DYNC2H1: variants seen among roughly 807,000 people sequenced by gnomAD.
The protein encoded by DYNC2H1 is cytoplasmic dynein 2 heavy chain 1.
DYNC2H1 carries 410 observed loss-of-function variants against 570.0 expected under a neutral mutation model. The ratio of observed to expected loss-of-function variants is 0.72; its 90% CI spans 0.66 to 0.78. The LOEUF is 0.78. DYNC2H1 is among the 30% of genes least tolerant of loss of function. The pLI is 0.00. For synonymous variants in DYNC2H1, 1,688 were observed against 1,677.6 expected, an observed-to-expected ratio of 1.01 and a Z score of -0.15; for missense variants, 4,865 against 5,046.4, an observed-to-expected ratio of 0.96 and a Z score of 1.09.
intron 84 of DYNC2H1, among the ~76,000 whole-genome samples, chr11:103,429,054 A>C (rs1276563608): frequency 3.2e-5 from 1 of 31,404 alleles, no homozygotes; most frequent in Non-Finnish European, 5.3e-5. Flanking sequence ...TGAGCCTAGG[A>C]GTTCAAGACC....
At chr11:103,399,207 A>G (rs1460415986) in intron 83 of DYNC2H1, among the ~76,000 whole-genome samples, 2 of 146,188 alleles carry the variant, frequency 1.4e-5, no homozygotes, top group Admixed American at 7.2e-5. Context: ...CAGTGGCACA[A>G]TCTTGGCTCA....
At chr11:103,220,518 A>G (rs1863545645) in intron 56 of DYNC2H1, 105 bp from the exon 57 acceptor site, 3 of 1,115,508 alleles carry the variant, frequency 2.7e-6, no homozygotes, top group South Asian at 2.0e-5. Context: ...AACATTAGTA[A>G]CTATAGTCAT....
chr11:103,307,651 ATAATG>A, intron 77 of DYNC2H1, 65 bp from the exon 78 acceptor site: 2 of 729,502 alleles, frequency 2.7e-6, no homozygotes, highest in Admixed American at 2.9e-5. Flanking sequence ...ATAGTTACTA[ATAATG>A]TAATGTAAAA....
intron 61 of DYNC2H1, 100 bp from the exon 62 acceptor site, chr11:103,235,572 G>A: frequency 8.7e-7 from 1 of 1,150,792 alleles, no homozygotes; most frequent in Non-Finnish European, 1.2e-6. Context: ...GTTATTACCT[G>A]TGATTTTCCC....
At chr11:103,380,076 TAATAG>T (rs1425436880) in intron 83 of DYNC2H1, among the ~76,000 whole-genome samples, 1 of 152,218 alleles carries the variant, frequency 6.6e-6, no homozygotes, top group Non-Finnish European at 1.5e-5. Context: ...TAGCTAAACT[TAATAG>T]AATAATTACA....
At position 103,264,873 on chromosome 11, in the gene DYNC2H1, A is replaced by G. The variant is rs1413062755; in HGVS notation, c.10695+4896A>G. Among the ~76,000 whole-genome samples, 1 of 152,198 alleles carries G rather than the reference A, an allele frequency of 6.6e-6. No individual in the cohort carries two copies. Among genetic ancestry groups the G allele is most frequent in the African/African-American group, 2.4e-5 (1 of 41,438 alleles). ...GGTACTGGAAGTTCTGGCCAGGGCA[A>G]AGTGGCAAGAGAAAGAAATAAAGGG... On this transcript the variant is annotated intron_variant, in intron 70 of 88. Coordinates refer to ENST00000375735, the MANE Select transcript of DYNC2H1 (RefSeq NM_001377.3). This position sits in a 1 kb window ranked among gnomAD's most constrained non-coding sequence, Gnocchi z 4.8.
At position 103,225,175 on chromosome 11, in the gene DYNC2H1, T is replaced by C. The variant is rs544020709; in HGVS notation, c.9353+2089T>C. Among the ~76,000 whole-genome samples, 47 of 152,282 alleles carry C rather than the reference T, an allele frequency of 3.1e-4. 1 individual carries two copies. The South Asian group carries it at 9.3e-3, about 30-fold the overall frequency. ...AGTCCTTTGTTGGATGTATAGATTGTGAAGATTTTCTCCTACTCTGTGGGT... is the reference window on the plus strand; with the variant it reads ...AGTCCTTTGTTGGATGTATAGATTGCGAAGATTTTCTCCTACTCTGTGGGT... On this transcript the variant is annotated intron_variant, in intron 59 of 88. Coordinates refer to ENST00000375735, the MANE Select transcript of DYNC2H1 (RefSeq NM_001377.3).
Position 103,185,114 on chromosome 11 carries a change from C to G in DYNC2H1, c.6633+63C>G. On this transcript the variant is annotated intron_variant, in intron 41 of 88. Coordinates refer to ENST00000375735, the MANE Select transcript of DYNC2H1 (RefSeq NM_001377.3). The surrounding 1 kb of genome is among the most constrained non-coding windows in gnomAD (Gnocchi z 4.5). ...TAACTTTTCATTAACTCTTAACTGC[C>G]AAAACACAATGATTTGTAACTGTAA... The G allele has an allele frequency of 2.1e-6, 3 of 1,447,544 alleles. No homozygotes were observed. Among genetic ancestry groups the G allele is most frequent in the Non-Finnish European group, 2.8e-6 (3 of 1,064,066 alleles). 89.7% of individuals were successfully genotyped at this position (1,447,544 alleles called of 1,614,324 possible). A position where few individuals can be genotyped will look rare whatever the true frequency, so the allele number is the denominator to read the frequency against.
intron 85 of DYNC2H1, among the ~76,000 whole-genome samples, chr11:103,445,466 A>AC (rs1203409494): frequency 1.3e-5 from 2 of 152,306 alleles, no homozygotes; most frequent in East Asian, 3.9e-4. Flanking sequence ...TTGCTTCGGA[A>AC]AAAAAGAGGT....
intron 83 of DYNC2H1, among the ~76,000 whole-genome samples, chr11:103,365,181 G>A (rs1460987078): frequency 6.6e-6 from 1 of 152,022 alleles, no homozygotes; most frequent in African/African-American, 2.4e-5. Flanking sequence ...GACAAACATG[G>A]AGAAACCCTG....
rs762522848 is a variant in DYNC2H1 at position 103,192,259 on chromosome 11, T to C, written c.7703T>C (p.Met2568Thr). 6 of 1,551,224 alleles carry C rather than the reference T, an allele frequency of 3.9e-6. No homozygotes were observed. The highest frequency in any genetic ancestry group is 4.4e-6 in the Non-Finnish European group (5 of 1,140,808). ...GDWGSDILDN[M>T]SDSFYVTWGA... is the part of the protein sequence containing the mutation. ...TGGGGCTCAGACATATTAGACAATA[T>C]GTCAGGTAAGGTAATAGAGCTTATG... The change falls in exon 47 of 89, where the codon ATG becomes ACG. Residue 2568 changes from methionine (M) to threonine (T), a missense_variant. Physicochemically the swap from Met to Thr is moderately conservative, Grantham distance 81 (BLOSUM62 -1). Coordinates refer to ENST00000375735, the MANE Select transcript of DYNC2H1 (RefSeq NM_001377.3).
chr11:103,346,559 T>C (rs1423810151), intron 82 of DYNC2H1, among the ~76,000 whole-genome samples: 1 of 152,218 alleles, frequency 6.6e-6, no homozygotes, highest in Non-Finnish European at 1.5e-5. Context: ...CTGTTTCATT[T>C]TGTAATGTAC....
At chr11:103,416,823 T>A (rs190467714) in intron 84 of DYNC2H1, among the ~76,000 whole-genome samples, 1 of 152,148 alleles carries the variant, frequency 6.6e-6, no homozygotes, top group East Asian at 1.9e-4. Context: ...CAAAAGAAAC[T>A]ATCATCAGAG....
chr11:103,347,041 A>G (rs1202161566), intron 82 of DYNC2H1, among the ~76,000 whole-genome samples: 2 of 152,202 alleles, frequency 1.3e-5, no homozygotes, highest in Non-Finnish European at 2.9e-5. Flanking sequence ...ATGAAGAACA[A>G]TTTCCAAAAG....
Position 103,203,728 on chromosome 11 carries a change from G to A in DYNC2H1, c.8263G>A (p.Ala2755Thr). The A allele has an allele frequency of 6.2e-7, 1 of 1,612,328 alleles. No individual in the cohort carries two copies. Among genetic ancestry groups the A allele is most frequent in the Non-Finnish European group, 8.5e-7 (1 of 1,179,190 alleles). ...EPLLLPLKDQ[A>T]SQDGFFGPVF... ...CTTGCTGTTACCACTTAAGGATCAAGCTTCACAAGATGGTTTTTTTGGACC... is the reference window on the plus strand; with the variant it reads ...CTTGCTGTTACCACTTAAGGATCAAACTTCACAAGATGGTTTTTTTGGACC... Residue 2755 changes from alanine to threonine, a missense_variant, in exon 51 of 89, where the codon GCT (alanine) becomes ACT (threonine). Physicochemically the swap from Ala to Thr is moderately conservative, Grantham distance 58. Coordinates refer to ENST00000375735, the MANE Select transcript of DYNC2H1 (RefSeq NM_001377.3). The surrounding 1 kb of genome is among the most constrained non-coding windows in gnomAD (Gnocchi z 4.7).
At chr11:103,143,243 A>G (rs762812857) in intron 17 of DYNC2H1, 25 bp from the exon 18 acceptor site, 1 of 1,607,534 alleles carries the variant, frequency 6.2e-7, no homozygotes, top group Admixed American at 1.7e-5. Flanking sequence ...GTCTTTAATA[A>G]TACATTTTTT....
Position 103,275,416 on chromosome 11 carries a change from G to C in DYNC2H1, c.10696-4932G>C, listed in dbSNP as rs1402407208. 1.3e-5 allele frequency among the ~76,000 whole-genome samples: 2 copies of C among 152,110 alleles called. No individual in the cohort carries two copies. The highest frequency in any genetic ancestry group is 2.9e-5 in the Non-Finnish European group (2 of 68,014). ...TGGTATTGTACCTTATATGGATTTT[G>C]AGAAATTTAAATGACATGTGTTCAC... On this transcript the variant is annotated intron_variant, in intron 70 of 88. Transcript: ENST00000375735. The surrounding 1 kb of genome is among the most constrained non-coding windows in gnomAD (Gnocchi z 4.8).
At chr11:103,405,195 A>G (rs1311760470) in intron 84 of DYNC2H1, 1 of 151,960 alleles carries the variant, frequency 6.6e-6, no homozygotes. Context: ...AGGGTCAAAA[A>G]AAGTAGTATT....
In DYNC2H1 at chr11:103,186,988, AGT is replaced by A; in HGVS notation, c.6894-351_6894-350del. Reference sequence around the variant, plus strand: ...AATTTTAAAAATTGTATAAAATCATAGTAATTTTTTTAAACTCATGGAACTTA... The same window carrying A: ...AATTTTAAAAATTGTATAAAATCATAAATTTTTTTAAACTCATGGAACTTA... On this transcript the variant is annotated intron_variant, in intron 42 of 88. Transcript: ENST00000375735. This position sits in a 1 kb window ranked among gnomAD's most constrained non-coding sequence, Gnocchi z 4.5. 6.6e-6 allele frequency among the ~76,000 whole-genome samples: 1 copy of A among 152,080 alleles called. No individual in the cohort carries two copies. The highest frequency in any genetic ancestry group is 2.1e-4 in the South Asian group (1 of 4,822).
Sources: allele counts gnomAD v4.1 joint callset (sites outside exome capture counted in the v4.1 genomes callset), GRCh38; gene constraint gnomAD v4.1.1; non-coding constraint Gnocchi (gnomAD v3.1); transcripts MANE v1.5; gene names NCBI Gene and HGNC (gene_info 2026-07-23, HGNC 2026-07-21).